Variants in TSPAN9 observed in about 807,000 individuals in gnomAD.
The protein encoded by TSPAN9 is tetraspanin 9, also known as tetraspanin-9.
A neutral mutation model predicts 31.0 loss-of-function variants in TSPAN9; 16 were observed. The observed-to-expected ratio is 0.52, with a 90% CI of 0.35 to 0.78. The LOEUF is 0.78. Among genes scored for constraint, TSPAN9 ranks in the 30% least tolerant of loss-of-function variants. The pLI is 0.01. For missense variants in TSPAN9, 272 were observed against 312.5 expected (o/e 0.87, Z 0.98); for synonymous variants, 145 against 121.6 (o/e 1.19, Z -1.27).
chr12:3,144,315 G>T (rs2098336178), intron 2 of TSPAN9, among the ~76,000 whole-genome samples: 1 of 152,112 alleles, frequency 6.6e-6, no homozygotes, highest in Non-Finnish European at 1.5e-5. Context: ...TGGCCAGGCT[G>T]GTCTTGAACT....
At position 3,170,593 on chromosome 12, in the gene TSPAN9, G is replaced by T. The variant is rs113937981; in HGVS notation, c.-17-30584G>T. Among the ~76,000 whole-genome samples, 557 of 150,994 alleles carry T rather than the reference G, an allele frequency of 3.7e-3. 5 individuals carry two copies. The highest frequency in any genetic ancestry group is 0.013 in the African/African-American group (539 of 41,176). ...GAGATCACTGAGTCAGTTCTGTGTG[G>T]GGGGGTCGTGATGGGGGAGCAGATG... On this transcript the variant is annotated intron_variant, in intron 2 of 8. Coordinates refer to ENST00000011898, the MANE Select transcript of TSPAN9 (RefSeq NM_006675.5). This position sits in a 1 kb window ranked among gnomAD's most constrained non-coding sequence, Gnocchi z 4.4.
At chr12:3,188,893 G>A (rs1206168074) in intron 2 of TSPAN9, among the ~76,000 whole-genome samples, 1 of 152,142 alleles carries the variant, frequency 6.6e-6, no homozygotes, top group African/African-American at 2.4e-5. Flanking sequence ...AGTATGTGTG[G>A]TGAAGGTGGG....
At chr12:3,199,225 T>C (rs533174792) in intron 2 of TSPAN9, among the ~76,000 whole-genome samples, 19 of 152,310 alleles carry the variant, frequency 1.2e-4, no homozygotes, top group Non-Finnish European at 2.2e-4. Context: ...GCCATCCCTA[T>C]TGAGCACCTC....
At chr12:3,198,723 C>G (rs61917909) in intron 2 of TSPAN9, among the ~76,000 whole-genome samples, 1,018 of 3,794 alleles carry the variant, frequency 0.27, 260 homozygotes, top group South Asian at 0.58. Flanking sequence ...ACCAGCACAG[C>G]TCACCACCAG....
chr12:3,203,206 C>T (rs988075936), intron 3 of TSPAN9, among the ~76,000 whole-genome samples: 1 of 152,008 alleles, frequency 6.6e-6, no homozygotes, highest in Admixed American at 6.6e-5. Context: ...TGCCTTTCTT[C>T]TCCAGGATGA....
chr12:3,224,068 A>G (rs2098385912), intron 3 of TSPAN9, among the ~76,000 whole-genome samples: 1 of 145,446 alleles, frequency 6.9e-6, no homozygotes, highest in African/African-American at 2.7e-5. Flanking sequence ...TTTAGGTAGG[A>G]CTCATCCTAG....
chr12:3,226,714 ATGTATGTGTGTGTGTGTGTGTGTG>A (rs1565622302), intron 3 of TSPAN9, among the ~76,000 whole-genome samples: 8 of 4,500 alleles, frequency 1.8e-3, no homozygotes, highest in African/African-American at 4.9e-3. Context: ...GTGTATGTGT[ATGTATGTGTGTGTGTGTGTGTGTG>A]TGTGTGTATA....
rs905677590 is a variant in TSPAN9 at position 3,147,239 on chromosome 12, G to GC, written c.-17-53937dup. ...AGGTGAGGTATGGAGGAGCTGCTGG[G>GC]CAGCAGGAGGCAGGGACCACGGTCC... is the stretch of plus-strand genomic sequence containing the variant. On this transcript the variant is annotated intron_variant, in intron 2 of 8. Transcript: ENST00000011898. This position sits in a 1 kb window ranked among gnomAD's most constrained non-coding sequence, Gnocchi z 4.3. Among the ~76,000 whole-genome samples, 1 of 152,106 alleles carries GC rather than the reference G, an allele frequency of 6.6e-6. No individual in the cohort carries two copies. The highest frequency in any genetic ancestry group is 1.5e-5 in the Non-Finnish European group (1 of 68,016).
At chr12:3,265,434 T>C (rs1386945648) in intron 3 of TSPAN9, among the ~76,000 whole-genome samples, 3 of 152,154 alleles carry the variant, frequency 2.0e-5, no homozygotes, top group Non-Finnish European at 4.4e-5. Context: ...CAAAGCATTG[T>C]TATTATTTCC....
At position 3,149,783 on chromosome 12, in the gene TSPAN9, C is replaced by T. The variant is rs556743897; in HGVS notation, c.-17-51394C>T. Reference sequence around the variant, plus strand: ...ATAATTCAGGCTCCTGGGCCCCCATCCCAGATCTTCTGAGTCTGAAGCTCT... The same window carrying T: ...ATAATTCAGGCTCCTGGGCCCCCATTCCAGATCTTCTGAGTCTGAAGCTCT... On this transcript the variant is annotated intron_variant, in intron 2 of 8. Transcript: ENST00000011898. The T allele has an allele frequency of 3.9e-5, 6 of 152,294 alleles. No homozygotes were observed. In the South Asian group the frequency reaches 1.2e-3, roughly 32 times the overall value. 9.4% of individuals were successfully genotyped at this position (152,294 alleles called of 1,614,324 possible). A position where few individuals can be genotyped will look rare whatever the true frequency, so the allele number is the denominator to read the frequency against.
intron 2 of TSPAN9, among the ~76,000 whole-genome samples, chr12:3,141,948 C>T (rs1054397550): frequency 3.3e-5 from 5 of 152,302 alleles, no homozygotes; most frequent in African/African-American, 1.2e-4. Context: ...CTCCTGTGCC[C>T]GGAAGCCGAC....
intron 3 of TSPAN9, among the ~76,000 whole-genome samples, chr12:3,274,087 A>G (rs1862737351): frequency 6.6e-6 from 1 of 152,182 alleles, no homozygotes; most frequent in South Asian, 2.1e-4. Context: ...GGGGCCAGAC[A>G]GTTCTTGACT....
At chr12:3,112,303 A>G (rs1298329090) in intron 2 of TSPAN9, among the ~76,000 whole-genome samples, 9 of 149,434 alleles carry the variant, frequency 6.0e-5, no homozygotes. Flanking sequence ...CAGCCTCCTT[A>G]GTAGCTGGGA....
intron 3 of TSPAN9, among the ~76,000 whole-genome samples, chr12:3,223,542 C>T (rs1424639752): frequency 6.6e-6 from 1 of 152,214 alleles, no homozygotes; most frequent in Non-Finnish European, 1.5e-5. Flanking sequence ...GACCGTCCTG[C>T]AGTACTGCAC....
chr12:3,205,720 C>T (rs75297914), intron 3 of TSPAN9, among the ~76,000 whole-genome samples: 2 of 48,266 alleles, frequency 4.1e-5, no homozygotes, highest in African/African-American at 7.8e-5. Context: ...GCACTTAGGC[C>T]CCCCCCCCCC....
chr12:3,192,610 T>G lies in TSPAN9; in HGVS notation c.-17-8567T>G, dbSNP rs2098365023. The stretch of plus-strand genomic sequence containing the variant: ...AAGGTCAGTCCCTCCTGGAGCTGTC[T>G]GGGAGACAGCCAGGGGGATGACAAG... On this transcript the variant is annotated intron_variant, in intron 2 of 8. Coordinates refer to ENST00000011898, the MANE Select transcript of TSPAN9 (RefSeq NM_006675.5). This position sits in a 1 kb window ranked among gnomAD's most constrained non-coding sequence, Gnocchi z 4.6. Among the ~76,000 whole-genome samples the G allele has an allele frequency of 6.6e-6, 1 of 152,028 alleles. No individual in the cohort carries two copies. The highest frequency in any genetic ancestry group is 2.4e-5 in the African/African-American group (1 of 41,378).
intron 2 of TSPAN9, among the ~76,000 whole-genome samples, chr12:3,098,560 ACT>A (rs776112913): frequency 2.0e-5 from 3 of 152,146 alleles, no homozygotes; most frequent in Non-Finnish European, 2.9e-5. Flanking sequence ...CCTGCTGGGG[ACT>A]GACATCTGCT....
At chr12:3,263,026 C>T (rs1352480227) in intron 3 of TSPAN9, among the ~76,000 whole-genome samples, 22 of 152,186 alleles carry the variant, frequency 1.4e-4, no homozygotes. Context: ...GCTCACGTGA[C>T]ACTTGGACAT....
intron 3 of TSPAN9, among the ~76,000 whole-genome samples, chr12:3,208,303 T>TG (rs552094158): frequency 2.1e-3 from 312 of 150,952 alleles, no homozygotes; most frequent in African/African-American, 6.8e-3. Flanking sequence ...TATGGGAGAA[T>TG]GGGGGCAGCT....
Sources: allele counts gnomAD v4.1 joint callset (sites outside exome capture counted in the v4.1 genomes callset), GRCh38; gene constraint gnomAD v4.1.1; non-coding constraint Gnocchi (gnomAD v3.1); transcripts MANE v1.5; gene names NCBI Gene and HGNC (gene_info 2026-07-23, HGNC 2026-07-21).